The following TRABD2B variants were observed in gnomAD, a reference collection of about 807,000 sequenced individuals.
The protein encoded by TRABD2B is TraB domain containing 2B, also known as metalloprotease TIKI2.
TRABD2B carries 14 observed loss-of-function variants against 40.1 expected under a neutral mutation model. That is an observed-to-expected ratio of 0.35 (90% CI 0.23 to 0.55). The LOEUF (loss-of-function observed/expected upper bound fraction) is 0.55. TRABD2B is among the 20% of genes least tolerant of loss of function. The pLI is 0.90. For synonymous variants in TRABD2B, 263 were observed against 277.0 expected, an observed-to-expected ratio of 0.95 and a Z score of 0.50; for missense variants, 541 against 648.6, an observed-to-expected ratio of 0.83 and a Z score of 1.80.
At chr1:47,805,749 T>C (rs1386005986) in intron 2 of TRABD2B, among the ~76,000 whole-genome samples, 2 of 152,198 alleles carry the variant, frequency 1.3e-5, no homozygotes, top group African/African-American at 4.8e-5. Flanking sequence ...AGGAACTTTC[T>C]AAACTCATGT....
chr1:47,993,001 T>C (rs1646034271), intron 2 of TRABD2B, among the ~76,000 whole-genome samples: 1 of 152,262 alleles, frequency 6.6e-6, no homozygotes, highest in Non-Finnish European at 1.5e-5. Context: ...CTGCCGCTGT[T>C]TCCCTGGTGA....
intron 2 of TRABD2B, among the ~76,000 whole-genome samples, chr1:47,830,768 A>G (rs1375940160): frequency 6.6e-6 from 1 of 152,172 alleles, no homozygotes; most frequent in Non-Finnish European, 1.5e-5. Context: ...GGAAAGACGG[A>G]GGCAAAGAGG....
chr1:47,954,810 T>C (rs1296099200), intron 2 of TRABD2B, among the ~76,000 whole-genome samples: 2 of 152,166 alleles, frequency 1.3e-5, no homozygotes, highest in African/African-American at 2.4e-5. Flanking sequence ...CCTTGCCTTC[T>C]GAGGCTGCCA....
rs764754812 is a variant in TRABD2B, at chr1:47,825,326, G to A, written c.667-23707C>T. 7.9e-5 allele frequency among the ~76,000 whole-genome samples: 12 copies of A among 152,170 alleles called. 1 individual carries two copies. The highest frequency in any genetic ancestry group is 1.2e-4 in the Non-Finnish European group (8 of 68,038). On this transcript the variant is annotated intron_variant, in intron 2 of 6. Transcript: ENST00000606738. ...CAGCACTGCCTTGCTCCAAAGCCCC[G>A]TGTGGCTCCCACTGCCTCCTTATCC...
chr1:47,914,887 G>A (rs181442204), intron 2 of TRABD2B, among the ~76,000 whole-genome samples: 4 of 152,358 alleles, frequency 2.6e-5, no homozygotes, highest in Non-Finnish European at 5.9e-5. Flanking sequence ...GGGCAAGGAT[G>A]AACCAGATAG....
At chr1:47,930,494 G>A (rs745441675) in intron 2 of TRABD2B, among the ~76,000 whole-genome samples, 2 of 152,082 alleles carry the variant, frequency 1.3e-5, no homozygotes, top group Non-Finnish European at 2.9e-5. Context: ...ACGAGTCCGC[G>A]ATAGTAAACC....
intron 2 of TRABD2B, among the ~76,000 whole-genome samples, chr1:47,928,559 G>A (rs1644999251): frequency 6.6e-6 from 1 of 152,216 alleles, no homozygotes; most frequent in South Asian, 2.1e-4. Flanking sequence ...CAACAATGCA[G>A]ACACAGTTGC....
At chr1:47,989,172 G>T (rs1645964466) in intron 2 of TRABD2B, among the ~76,000 whole-genome samples, 1 of 152,174 alleles carries the variant, frequency 6.6e-6, no homozygotes, top group Non-Finnish European at 1.5e-5. Context: ...CCAGAACTGT[G>T]AGCCATAATT....
At chr1:47,966,798 G>T (rs917663231) in intron 2 of TRABD2B, among the ~76,000 whole-genome samples, 2 of 151,894 alleles carry the variant, frequency 1.3e-5, no homozygotes, top group African/African-American at 2.4e-5. Context: ...CTAGCTACCT[G>T]GGAGGCTGAT....
intron 2 of TRABD2B, among the ~76,000 whole-genome samples, chr1:47,881,644 T>A (rs976152705): frequency 1.3e-5 from 2 of 152,198 alleles, no homozygotes; most frequent in Non-Finnish European, 2.9e-5. Flanking sequence ...TCTACATGTA[T>A]CCTCGTAAGT....
At chr1:47,774,679 G>A (rs1430729301) in intron 6 of TRABD2B, among the ~76,000 whole-genome samples, 1 of 152,180 alleles carries the variant, frequency 6.6e-6, no homozygotes, top group Non-Finnish European at 1.5e-5. Flanking sequence ...CTAAGACAGA[G>A]CCCACAGCTT....
At chr1:47,908,894 G>A (rs528501357) in intron 2 of TRABD2B, among the ~76,000 whole-genome samples, 2 of 152,332 alleles carry the variant, frequency 1.3e-5, no homozygotes, top group African/African-American at 4.8e-5. Flanking sequence ...GCAGCTCCCC[G>A]AAGACATAGC....
At chr1:47,929,052 C>T (rs1303484353) in intron 2 of TRABD2B, among the ~76,000 whole-genome samples, 3 of 152,236 alleles carry the variant, frequency 2.0e-5, no homozygotes, top group Non-Finnish European at 4.4e-5. Flanking sequence ...ACATGCTGTT[C>T]CCTTTATCTG....
chr1:47,938,847 GAT>G (rs1396894442), intron 2 of TRABD2B, among the ~76,000 whole-genome samples: 1 of 152,200 alleles, frequency 6.6e-6, no homozygotes, highest in Non-Finnish European at 1.5e-5. Context: ...AGGGATTTGA[GAT>G]AGTTTCTTGG....
At position 47,996,835 on chromosome 1, in the gene TRABD2B, C is replaced by A; in HGVS notation, c.-46G>T. Reference sequence around the variant, plus strand: ...GCGGGGGACCCTCCTGGGCGGCGCCCCTCAGCGGGGCGGGGAGCCCCCAGT... The same window carrying A: ...GCGGGGGACCCTCCTGGGCGGCGCCACTCAGCGGGGCGGGGAGCCCCCAGT... On this transcript the variant is annotated 5_prime_UTR_variant, in exon 1 of 7. Transcript: ENST00000606738. The surrounding 1 kb of genome is among the most constrained non-coding windows in gnomAD (Gnocchi z 4.6). 1 of 1,167,628 alleles carries A rather than the reference C, an allele frequency of 8.6e-7. No homozygotes were observed. Among genetic ancestry groups the A allele is most frequent in the South Asian group, 4.2e-5 (1 of 23,582 alleles). 72.3% of individuals were successfully genotyped at this position (1,167,628 alleles called of 1,614,324 possible). A position where few individuals can be genotyped will look rare whatever the true frequency, so the allele number is the denominator to read the frequency against.
chr1:47,833,816 GA>G (rs1388012348), intron 2 of TRABD2B, among the ~76,000 whole-genome samples: 2 of 152,220 alleles, frequency 1.3e-5, no homozygotes, highest in African/African-American at 4.8e-5. Flanking sequence ...AAGGACCTCT[GA>G]AAATTCTCCC....
At chr1:47,885,933 G>A (rs188263328) in intron 2 of TRABD2B, among the ~76,000 whole-genome samples, 54 of 152,270 alleles carry the variant, frequency 3.5e-4, no homozygotes, top group Non-Finnish European at 7.5e-4. Context: ...CTAGTTTTAT[G>A]CATCAGTTGG....
At chr1:47,910,478 T>G (rs371329762) in intron 2 of TRABD2B, among the ~76,000 whole-genome samples, 3 of 152,186 alleles carry the variant, frequency 2.0e-5, no homozygotes, top group East Asian at 1.9e-4. Flanking sequence ...ACCAACAAAG[T>G]TCTAGGATGG....
chr1:47,927,239 C>T (rs765668430), intron 2 of TRABD2B, among the ~76,000 whole-genome samples: 4 of 152,190 alleles, frequency 2.6e-5, no homozygotes, highest in Non-Finnish European at 5.9e-5. Flanking sequence ...GTGCTGAGAC[C>T]ACCAGAGGTG....
Sources: gnomAD v4.1 joint callset for allele counts (sites outside exome capture counted in the v4.1 genomes callset) on GRCh38, gnomAD v4.1.1 for gene constraint, Gnocchi (gnomAD v3.1) non-coding constraint, MANE v1.5 for transcripts, NCBI Gene and HGNC (gene_info 2026-07-23, HGNC 2026-07-21) for gene names.